Variants in CDK15 observed in about 807,000 individuals in gnomAD.
CDK15 encodes the protein cyclin-dependent kinase 15.
CDK15 carries 62 observed loss-of-function variants against 60.3 expected under a neutral mutation model. That is an observed-to-expected ratio of 1.03 (90% CI 0.84 to 1.27). The LOEUF is 1.27. Ranked by LOEUF, CDK15 falls within the 50% of genes most tolerant of loss-of-function variation. The pLI is 0.00. For synonymous variants in CDK15, 194 were observed against 195.7 expected (o/e 0.99, Z 0.07); for missense variants, 541 against 527.8 (o/e 1.03, Z -0.25).
At chr2:201,851,561 G>T (rs1697910554) in intron 9 of CDK15, among the ~76,000 whole-genome samples, 1 of 152,128 alleles carries the variant, frequency 6.6e-6, no homozygotes, top group African/African-American at 2.4e-5. Context: ...ACACGCTAAA[G>T]GTGGCTAAAG....
At chr2:201,830,632 G>A (rs7581731) in intron 6 of CDK15, among the ~76,000 whole-genome samples, 96,341 of 152,006 alleles carry the variant, frequency 0.63, 31,300 homozygotes, top group Admixed American at 0.74. Flanking sequence ...GTTCTCATGG[G>A]CACTAATGTC....
intron 8 of CDK15, among the ~76,000 whole-genome samples, chr2:201,836,819 A>T (rs1408081965): frequency 6.6e-6 from 1 of 151,730 alleles, no homozygotes; most frequent in Non-Finnish European, 1.5e-5. Context: ...AAAAAAGCAT[A>T]AAGACCAAGC....
intron 3 of CDK15, chr2:201,808,538 CT>C (rs1695615385): frequency 6.6e-6 from 1 of 152,140 alleles, no homozygotes; most frequent in Non-Finnish European, 1.5e-5. Flanking sequence ...AAACAACCAA[CT>C]TTGTTAAATA....
intron 10 of CDK15, among the ~76,000 whole-genome samples, chr2:201,869,700 A>G (rs1698783644): frequency 6.6e-6 from 1 of 150,966 alleles, no homozygotes; most frequent in Non-Finnish European, 1.5e-5. Context: ...AACCCCACTC[A>G]AGTTAGAAAG....
intron 13 of CDK15, among the ~76,000 whole-genome samples, 194 bp downstream of exon 13, chr2:201,891,121 A>G (rs941326380): frequency 1.2e-4 from 18 of 152,228 alleles, no homozygotes; most frequent in Non-Finnish European, 2.1e-4. Flanking sequence ...AATTACATGC[A>G]TTGCCTTTCT....
intron 8 of CDK15, among the ~76,000 whole-genome samples, chr2:201,838,372 T>C (rs563236810): frequency 6.6e-6 from 1 of 152,186 alleles, no homozygotes; most frequent in African/African-American, 2.4e-5. Flanking sequence ...AAAACATCTG[T>C]AGTATCAAGA....
At chr2:201,862,384 C>T (rs1185158810) in intron 10 of CDK15, among the ~76,000 whole-genome samples, 1 of 152,194 alleles carries the variant, frequency 6.6e-6, no homozygotes, top group African/African-American at 2.4e-5. Flanking sequence ...TAGTATTTTA[C>T]ACAAGCCCCC....
intron 9 of CDK15, among the ~76,000 whole-genome samples, chr2:201,851,966 C>T (rs1280449736): frequency 1.3e-5 from 2 of 152,064 alleles, no homozygotes; most frequent in Non-Finnish European, 2.9e-5. Context: ...GCCCTTTGCC[C>T]ACTGTTTAAT....
At chr2:201,888,524 A>G in intron 12 of CDK15, 2 of 1,521,656 alleles carry the variant, frequency 1.3e-6, no homozygotes, top group African/African-American at 1.4e-5. Flanking sequence ...ACCAGAGTGG[A>G]AGGTTTTGCA....
At chr2:201,858,776 G>GA (rs920504198) in intron 10 of CDK15, among the ~76,000 whole-genome samples, 2 of 151,530 alleles carry the variant, frequency 1.3e-5, no homozygotes, top group Admixed American at 6.6e-5. Context: ...TTCACCAAGG[G>GA]AAAAAAAATA....
intron 4 of CDK15, among the ~76,000 whole-genome samples, chr2:201,812,765 T>A (rs1476047065): frequency 6.6e-6 from 1 of 152,246 alleles, no homozygotes; most frequent in Non-Finnish European, 1.5e-5. Flanking sequence ...TTAAAACTAT[T>A]ATATCACTTG....
At chr2:201,892,549 G>A (rs542151388) in intron 13 of CDK15, among the ~76,000 whole-genome samples, 2 of 152,200 alleles carry the variant, frequency 1.3e-5, no homozygotes, top group Non-Finnish European at 2.9e-5. Context: ...CTTGTGGCCT[G>A]CGCCAGCAAT....
At chr2:201,881,090 G>A (rs1343301791) in intron 12 of CDK15, among the ~76,000 whole-genome samples, 1 of 152,126 alleles carries the variant, frequency 6.6e-6, no homozygotes, top group African/African-American at 2.4e-5. Context: ...GAGTGGCGAT[G>A]GGGTGCAGTG....
chr2:201,894,260 C>T lies in CDK15; in HGVS notation c.*993C>T, dbSNP rs867372719. The T allele has an allele frequency of 2.0e-5, 3 of 152,114 alleles. No homozygotes were observed. Among genetic ancestry groups the T allele is most frequent in the Non-Finnish European group, 4.4e-5 (3 of 68,046 alleles). 9.4% of individuals were successfully genotyped at this position (152,114 alleles called of 1,614,324 possible). ...GTAGCAGCCTAGAAACCAGAGACCT[C>T]TGTATATCCTTTGGAAGAGCAAGGA... On this transcript the variant is annotated 3_prime_UTR_variant, in exon 14 of 14. Transcript: ENST00000652192.
In CDK15 at chr2:201,894,934, A is replaced by G. The variant is rs1699735862; in HGVS notation, c.*1667A>G. ...TTAAATTCTTACACTTTGGGCTACAACTTAAAAAAGGCTATGACTTAGTGG... is the reference window on the plus strand; with the variant it reads ...TTAAATTCTTACACTTTGGGCTACAGCTTAAAAAAGGCTATGACTTAGTGG... On this transcript the variant is annotated 3_prime_UTR_variant, in exon 14 of 14. Coordinates refer to ENST00000652192, the MANE Select transcript of CDK15 (RefSeq NM_001366386.2). 6.6e-6 allele frequency: 1 copy of G among 152,250 alleles called. No homozygotes were observed. Among genetic ancestry groups the G allele is most frequent in the Non-Finnish European group, 1.5e-5 (1 of 68,052 alleles). 9.4% of individuals were successfully genotyped at this position (152,250 alleles called of 1,614,324 possible). A position where few individuals can be genotyped will look rare whatever the true frequency, so the allele number is the denominator to read the frequency against.
At position 201,806,640 on chromosome 2, in the gene CDK15, G is replaced by A; in HGVS notation, c.-25G>A. The A allele has an allele frequency of 6.4e-7, 1 of 1,563,722 alleles. No homozygotes were observed. The highest frequency in any genetic ancestry group is 8.6e-7 in the Non-Finnish European group (1 of 1,157,586). ...CAGTGGGGGAAAGGTTCAAGTGCGG[G>A]TTTTCTCCTTGAACCTACAAGATTA... On this transcript the variant is annotated 5_prime_UTR_variant, in exon 1 of 14. Coordinates refer to ENST00000652192, the MANE Select transcript of CDK15 (RefSeq NM_001366386.2).
chr2:201,812,516 C>T lies in CDK15; in HGVS notation c.402C>T (p.Ile134=). 6.2e-7 allele frequency: 1 copy of T among 1,613,086 alleles called. No homozygotes were observed. Among genetic ancestry groups the T allele is most frequent in the South Asian group, 1.1e-5 (1 of 91,006 alleles). The change falls in exon 4 of 14, where the codon ATC becomes ATT. Residue 134 remains isoleucine, a synonymous_variant. Transcript: ENST00000652192. ...GACAACTAGTGGCTTTAAAAGTCATCAGCATGAATGCAGAGGAAGGAGTCC... is the reference window on the plus strand; with the variant it reads ...GACAACTAGTGGCTTTAAAAGTCATTAGCATGAATGCAGAGGAAGGAGTCC... ...INGQLVALKV[I]SMNAEEGVPF...
At chr2:201,858,984 G>A (rs1027872762) in intron 10 of CDK15, among the ~76,000 whole-genome samples, 1 of 152,108 alleles carries the variant, frequency 6.6e-6, no homozygotes, top group Non-Finnish European at 1.5e-5. Flanking sequence ...TGAGGCGCCC[G>A]TGATTGGCTG....
chr2:201,855,592 A>C (rs550707076), intron 10 of CDK15, among the ~76,000 whole-genome samples: 1 of 152,304 alleles, frequency 6.6e-6, no homozygotes. Context: ...GTTGAGACAG[A>C]GGGGAGGAGA....
Sources: gnomAD v4.1 joint callset for allele counts (sites outside exome capture counted in the v4.1 genomes callset) on GRCh38, gnomAD v4.1.1 for gene constraint, MANE v1.5 for transcripts, NCBI Gene and HGNC (gene_info 2026-07-23, HGNC 2026-07-21) for gene names.